The following SH3PXD2A variants were observed in gnomAD, a reference collection of about 807,000 sequenced individuals.
SH3PXD2A encodes the protein SH3 and PX domains 2A, also known as SH3 and PX domain-containing protein 2A.
A neutral mutation model predicts 115.2 loss-of-function variants in SH3PXD2A; 32 were observed. The ratio of observed to expected loss-of-function variants is 0.28; its 90% CI spans 0.21 to 0.37. The LOEUF (loss-of-function observed/expected upper bound fraction) is 0.37, where lower values mean the gene tolerates loss of function less well. Ranked by LOEUF, SH3PXD2A falls within the 10% of genes least tolerant of loss-of-function variation. The pLI, the probability that SH3PXD2A is intolerant of heterozygous loss-of-function variation, is 1.00. For synonymous variants in SH3PXD2A, 610 were observed against 629.1 expected, an observed-to-expected ratio of 0.97 and a Z score of 0.45; for missense variants, 1,328 against 1,498.7, an observed-to-expected ratio of 0.89 and a Z score of 1.88.
intron 11 of SH3PXD2A, among the ~76,000 whole-genome samples, chr10:103,615,274 G>A (rs1187627863): frequency 6.6e-6 from 1 of 152,186 alleles, no homozygotes; most frequent in East Asian, 1.9e-4. Flanking sequence ...GGAGGTGACG[G>A]TCAGGCCTGC....
intron 5 of SH3PXD2A, among the ~76,000 whole-genome samples, chr10:103,698,805 A>T (rs1482273139): frequency 6.6e-6 from 1 of 152,084 alleles, no homozygotes; most frequent in East Asian, 1.9e-4. Context: ...CACTCAGTGC[A>T]GAGAAAAGAG....
intron 1 of SH3PXD2A, among the ~76,000 whole-genome samples, chr10:103,825,130 C>A (rs575265227): frequency 2.4e-4 from 36 of 151,918 alleles, no homozygotes; most frequent in Non-Finnish European, 5.0e-4. Context: ...CAAATGCATT[C>A]CAAGAAATGT....
At chr10:103,806,870 C>G (rs1188241987) in intron 1 of SH3PXD2A, among the ~76,000 whole-genome samples, 3 of 152,170 alleles carry the variant, frequency 2.0e-5, no homozygotes, top group Non-Finnish European at 4.4e-5. Context: ...TCCCACCATG[C>G]TCACTCTTGA....
At position 103,602,626 on chromosome 10, in the gene SH3PXD2A, G is replaced by T. The variant is rs374962923; in HGVS notation, c.2592C>A (p.Gly864=). The change falls in exon 15 of 15, where the codon GGC becomes GGA. Residue 864 remains glycine, a synonymous_variant. Coordinates refer to ENST00000369774, the MANE Select transcript of SH3PXD2A (RefSeq NM_001394015.1). ...GCTTCTCCAGCACCTGCACCTCCAC[G>T]CCCGCGGGGAAGCTGATCTCCGAGT... ...VQDSEISFPA[G]VEVQVLEKQE... 1.2e-6 allele frequency: 2 copies of T among 1,613,966 alleles called. No homozygotes were observed. The highest frequency in any genetic ancestry group is 1.7e-6 in the Non-Finnish European group (2 of 1,180,024).
intron 2 of SH3PXD2A, among the ~76,000 whole-genome samples, chr10:103,786,216 G>A (rs2038979729): frequency 6.6e-6 from 1 of 152,206 alleles, no homozygotes. Flanking sequence ...TTCCCAGGCT[G>A]GCTCTGCAGC....
At chr10:103,762,313 C>T (rs2038709084) in intron 3 of SH3PXD2A, among the ~76,000 whole-genome samples, 1 of 152,162 alleles carries the variant, frequency 6.6e-6, no homozygotes, top group Non-Finnish European at 1.5e-5. Context: ...CGGGTGTGAG[C>T]CACTGCGCCC....
At chr10:103,634,609 G>C (rs1222317258) in intron 8 of SH3PXD2A, among the ~76,000 whole-genome samples, 1 of 152,166 alleles carries the variant, frequency 6.6e-6, no homozygotes, top group Non-Finnish European at 1.5e-5. Context: ...GTATGTCCCT[G>C]AATATTGGTA....
chr10:103,819,856 G>T (rs145184110), intron 1 of SH3PXD2A, among the ~76,000 whole-genome samples: 13 of 152,172 alleles, frequency 8.5e-5, no homozygotes, highest in African/African-American at 3.1e-4. Flanking sequence ...TGGGAGCCCA[G>T]GAGGGGCTGC....
intron 8 of SH3PXD2A, among the ~76,000 whole-genome samples, chr10:103,653,799 GC>G (rs764613882): frequency 2.6e-4 from 40 of 151,940 alleles, no homozygotes; most frequent in Non-Finnish European, 5.2e-4. Flanking sequence ...GAGCTGCCCA[GC>G]CCCTGCCACA....
intron 2 of SH3PXD2A, among the ~76,000 whole-genome samples, chr10:103,795,928 AAGGC>A (rs71929579): frequency 0.37 from 43,548 of 117,678 alleles, 7,580 homozygotes; most frequent in East Asian, 0.67. Context: ...GGAAGGAAGG[AAGGC>A]AGGAAGGAAG....
At chr10:103,725,921 C>T (rs2038235604) in intron 4 of SH3PXD2A, among the ~76,000 whole-genome samples, 1 of 152,184 alleles carries the variant, frequency 6.6e-6, no homozygotes, top group South Asian at 2.1e-4. Flanking sequence ...GTTCATGCTG[C>T]ACACCAGCAC....
chr10:103,607,021 C>G (rs1464304987), intron 13 of SH3PXD2A, among the ~76,000 whole-genome samples: 3 of 151,574 alleles, frequency 2.0e-5, no homozygotes, highest in African/African-American at 7.3e-5. Context: ...AGCGTCTCTG[C>G]CCGGCCGCCA....
intron 1 of SH3PXD2A, 64 bp from the exon 2 acceptor site, chr10:103,801,426 A>G (rs2039145537): frequency 3.0e-6 from 3 of 988,228 alleles, no homozygotes; most frequent in Non-Finnish European, 4.9e-6. Flanking sequence ...GCCAGGCATC[A>G]TGTAACATGA....
chr10:103,774,508 ATC>A (rs2038860303), intron 2 of SH3PXD2A, among the ~76,000 whole-genome samples: 1 of 152,082 alleles, frequency 6.6e-6, no homozygotes, highest in Non-Finnish European at 1.5e-5. Context: ...CATCTGGGCC[ATC>A]TCTGTGTTAG....
chr10:103,768,123 C>G, intron 2 of SH3PXD2A, among the ~76,000 whole-genome samples: 1 of 152,192 alleles, frequency 6.6e-6, no homozygotes, highest in Non-Finnish European at 1.5e-5. Context: ...CAGCACTGGG[C>G]ACTAAGGAAA....
At chr10:103,729,177 G>T (rs2038283989) in intron 4 of SH3PXD2A, among the ~76,000 whole-genome samples, 1 of 152,196 alleles carries the variant, frequency 6.6e-6, no homozygotes, top group Non-Finnish European at 1.5e-5. Flanking sequence ...TGGGATTACA[G>T]GCATGAGCCA....
At chr10:103,710,183 G>A (rs1301734249) in intron 5 of SH3PXD2A, among the ~76,000 whole-genome samples, 1 of 151,732 alleles carries the variant, frequency 6.6e-6, no homozygotes. Context: ...ACCTGAGCTC[G>A]GGAGTTTGAG....
chr10:103,744,804 C>G (rs1430733399), intron 3 of SH3PXD2A, among the ~76,000 whole-genome samples: 1 of 152,244 alleles, frequency 6.6e-6, no homozygotes, highest in East Asian at 1.9e-4. Flanking sequence ...ACACCATGCC[C>G]TGAGTTCTGG....
chr10:103,774,531 T>G (rs2038860432), intron 2 of SH3PXD2A, among the ~76,000 whole-genome samples: 1 of 152,352 alleles, frequency 6.6e-6, no homozygotes, highest in South Asian at 2.1e-4. Flanking sequence ...TTTCTAGTAC[T>G]TTTTTACACC....
Sources: gnomAD v4.1 joint callset for allele counts (sites outside exome capture counted in the v4.1 genomes callset) on GRCh38, gnomAD v4.1.1 for gene constraint, MANE v1.5 for transcripts, NCBI Gene and HGNC (gene_info 2026-07-23, HGNC 2026-07-21) for gene names.